Variants in DENND1B observed in about 807,000 individuals in gnomAD.
The protein encoded by DENND1B is DENN domain containing 1B, also known as DENN domain-containing protein 1B.
A neutral mutation model predicts 90.1 loss-of-function variants in DENND1B; 59 were observed. That is an observed-to-expected ratio of 0.65 (90% CI 0.53 to 0.81). The LOEUF is 0.81. Ranked by LOEUF, DENND1B falls within the 40% of genes least tolerant of loss-of-function variation. DENND1B has a pLI of 0.00. For missense variants in DENND1B, 862 were observed against 912.6 expected (o/e 0.94, Z 0.71); for synonymous variants, 337 against 324.6 (o/e 1.04, Z -0.41).
intron 14 of DENND1B, among the ~76,000 whole-genome samples, chr1:197,584,154 A>T (rs560168025): frequency 6.6e-6 from 1 of 152,338 alleles, no homozygotes; most frequent in East Asian, 1.9e-4. Flanking sequence ...CTTTGAAAAA[A>T]AATAAGAATA....
chr1:197,727,117 G>A (rs773681857), intron 2 of DENND1B, among the ~76,000 whole-genome samples: 6 of 152,170 alleles, frequency 3.9e-5, no homozygotes, highest in Non-Finnish European at 7.3e-5. Flanking sequence ...TCAAGATTAT[G>A]ACTGGTAAAT....
At chr1:197,564,117 A>G (rs750786958) in intron 15 of DENND1B, among the ~76,000 whole-genome samples, 16 of 151,956 alleles carry the variant, frequency 1.1e-4, no homozygotes, top group Admixed American at 1.3e-4. Context: ...AAGAGTGTTG[A>G]CAATAATGAA....
At chr1:197,617,929 C>A (rs1677809109) in intron 10 of DENND1B, among the ~76,000 whole-genome samples, 170 bp from the exon 11 acceptor site, 1 of 151,060 alleles carries the variant, frequency 6.6e-6, no homozygotes, top group African/African-American at 2.4e-5. Context: ...CTCAGAGGCC[C>A]CTCTGAAACA....
chr1:197,561,710 T>A (rs577415922), intron 15 of DENND1B, among the ~76,000 whole-genome samples: 46 of 151,978 alleles, frequency 3.0e-4, no homozygotes, highest in Middle Eastern at 6.8e-3. Context: ...GACGAAATCA[T>A]CTTCTGCCCA....
At chr1:197,656,430 C>G (rs958890904) in intron 6 of DENND1B, among the ~76,000 whole-genome samples, 3 of 151,928 alleles carry the variant, frequency 2.0e-5, no homozygotes, top group Non-Finnish European at 4.4e-5. Flanking sequence ...AATTAATAGA[C>G]AATAGACAAT....
chr1:197,735,602 G>C, intron 2 of DENND1B: 1 of 1,614,106 alleles, frequency 6.2e-7, no homozygotes, highest in African/African-American at 1.3e-5. Flanking sequence ...ATACAGGTTG[G>C]GGCCATCTTT....
At chr1:197,560,381 T>C (rs1362276665) in intron 15 of DENND1B, among the ~76,000 whole-genome samples, 1 of 151,760 alleles carries the variant, frequency 6.6e-6, no homozygotes, top group Non-Finnish European at 1.5e-5. Flanking sequence ...AGTTTTAGCA[T>C]GAAATAAGAA....
At chr1:197,665,037 T>A (rs912587226) in intron 5 of DENND1B, among the ~76,000 whole-genome samples, 3 of 152,130 alleles carry the variant, frequency 2.0e-5, no homozygotes, top group Non-Finnish European at 4.4e-5. Flanking sequence ...ATTGCCAGAT[T>A]TAAATTAGTA....
At chr1:197,626,154 G>A (rs1280445616) in intron 10 of DENND1B, among the ~76,000 whole-genome samples, 1 of 152,022 alleles carries the variant, frequency 6.6e-6, no homozygotes, top group Non-Finnish European at 1.5e-5. Flanking sequence ...ATTGAACTCA[G>A]CTCTGCACCA....
At chr1:197,543,421 CA>C (rs1670490334) in intron 18 of DENND1B, among the ~76,000 whole-genome samples, 1 of 151,976 alleles carries the variant, frequency 6.6e-6, no homozygotes, top group African/African-American at 2.4e-5. Flanking sequence ...TTTGGCAAAA[CA>C]ATACAACTTC....
chr1:197,559,448 C>A (rs771228356), intron 15 of DENND1B, among the ~76,000 whole-genome samples: 1 of 151,466 alleles, frequency 6.6e-6, no homozygotes. Context: ...TGAAGCAACA[C>A]AATAAACAAA....
At chr1:197,734,548 T>C in intron 2 of DENND1B, 3 of 975,758 alleles carry the variant, frequency 3.1e-6, no homozygotes, top group Non-Finnish European at 3.7e-6. Context: ...TGTTTTGTGT[T>C]ATTGGTATAA....
intron 10 of DENND1B, among the ~76,000 whole-genome samples, chr1:197,620,497 C>T (rs575634750): frequency 4.0e-5 from 6 of 151,222 alleles, no homozygotes; most frequent in Non-Finnish European, 7.4e-5. Context: ...ATTTTTAGAT[C>T]AGATGAATTC....
intron 10 of DENND1B, among the ~76,000 whole-genome samples, chr1:197,621,316 T>C (rs769780363): frequency 1.9e-4 from 27 of 145,342 alleles, no homozygotes; most frequent in Non-Finnish European, 4.1e-4. Context: ...TAAAGGAAAA[T>C]AGAGCCTTCT....
intron 20 of DENND1B, among the ~76,000 whole-genome samples, chr1:197,528,385 G>A (rs940492088): frequency 1.3e-5 from 2 of 151,996 alleles, no homozygotes; most frequent in Non-Finnish European, 2.9e-5. Flanking sequence ...ATAAAAGTAT[G>A]TTACTCATCA....
chr1:197,633,359 C>G (rs1484708157), intron 10 of DENND1B, among the ~76,000 whole-genome samples: 1 of 152,180 alleles, frequency 6.6e-6, no homozygotes, highest in Admixed American at 6.5e-5. Context: ...TCCAAATCTG[C>G]CCCTCACTGC....
chr1:197,641,869 T>C (rs2125917139), intron 10 of DENND1B, among the ~76,000 whole-genome samples: 2 of 151,922 alleles, frequency 1.3e-5, no homozygotes, highest in South Asian at 4.1e-4. Context: ...TTATTTCTAC[T>C]ATAGGAGAAG....
intron 20 of DENND1B, among the ~76,000 whole-genome samples, chr1:197,516,409 T>A (rs1479653149): frequency 1.3e-5 from 2 of 151,730 alleles, no homozygotes; most frequent in Admixed American, 1.3e-4. Flanking sequence ...CATAATTGTG[T>A]TAAGGTCACA....
intron 17 of DENND1B, among the ~76,000 whole-genome samples, 154 bp from the exon 18 acceptor site, chr1:197,546,144 CA>C (rs1670803350): frequency 1.3e-5 from 2 of 152,044 alleles, no homozygotes; most frequent in Non-Finnish European, 2.9e-5. Context: ...TCAGTGTTTT[CA>C]AGTTTCTATG....
Sources: gnomAD v4.1 joint callset for allele counts (sites outside exome capture counted in the v4.1 genomes callset) on GRCh38, gnomAD v4.1.1 for gene constraint, MANE v1.5 for transcripts, NCBI Gene and HGNC (gene_info 2026-07-23, HGNC 2026-07-21) for gene names.